NUP58: variants seen among roughly 807,000 people sequenced by gnomAD.
NUP58 encodes the protein nucleoporin 58.
In NUP58, 17 loss-of-function variants were observed where a neutral mutation model predicts 70.1. The ratio of observed to expected loss-of-function variants is 0.24; its 90% CI spans 0.17 to 0.36. The LOEUF is 0.36. NUP58 is among the 10% of genes least tolerant of loss of function. The pLI is 1.00. For synonymous variants in NUP58, 275 were observed against 257.6 expected (o/e 1.07, Z -0.65); for missense variants, 644 against 701.5 (o/e 0.92, Z 0.93).
In NUP58 at chr13:25,327,526, A is replaced by G. The variant is rs2137799769; in HGVS notation, c.1233+14A>G. On this transcript the variant is annotated intron_variant, in intron 12 of 15. Coordinates refer to ENST00000381736, the MANE Select transcript of NUP58 (RefSeq NM_014089.4). ...GAAAATGTAAAGGTAAGTTTTCATT[A>G]CCCATTTATCTACCTGGATATGTAG... 1 of 1,563,026 alleles carries G rather than the reference A, an allele frequency of 6.4e-7. No homozygotes were observed. The highest frequency in any genetic ancestry group is 1.7e-5 in the Admixed American group (1 of 58,770).
intron 5 of NUP58, 98 bp downstream of exon 5, chr13:25,313,849 A>T (rs1343578214): frequency 3.2e-6 from 3 of 939,006 alleles, no homozygotes; most frequent in Non-Finnish European, 4.5e-6. Context: ...TTTAATCTGC[A>T]TATTTTCCTT....
Position 25,325,097 on chromosome 13 carries a change from G to GT in NUP58, c.1031+32dup. 3.4e-6 allele frequency: 5 copies of GT among 1,471,656 alleles called. No individual in the cohort carries two copies. The Middle Eastern group carries it at 5.2e-4, about 154-fold the overall frequency. The allele number at this position is 1,471,656 out of a possible 1,614,324, so 91.2% of individuals were successfully genotyped here. On this transcript the variant is annotated intron_variant, in intron 10 of 15. Coordinates refer to ENST00000381736, the MANE Select transcript of NUP58 (RefSeq NM_014089.4). ...AGTTGCTGGATTTTTAAAAACAAAT[G>GT]TTTCTCACTTTCAGAAAGCAGAACA...
At chr13:25,342,950 T>C (rs935957900), downstream of NUP58, among the ~76,000 whole-genome samples, 12 of 152,164 alleles carry the variant, frequency 7.9e-5, no homozygotes, top group Non-Finnish European at 1.5e-5. Flanking sequence ...TTACATACTG[T>C]CCCATAGAAT....
chr13:25,312,623 C>G (rs1425534880), intron 3 of NUP58, among the ~76,000 whole-genome samples: 2 of 152,228 alleles, frequency 1.3e-5, no homozygotes, highest in Non-Finnish European at 2.9e-5. Flanking sequence ...CCATCTTGGC[C>G]TCCCAAAGTT....
intron 3 of NUP58, chr13:25,310,157 G>GGGT (rs1444490066): frequency 5.5e-6 from 1 of 181,516 alleles, no homozygotes; most frequent in Non-Finnish European, 1.2e-5. Flanking sequence ...ATCTTCTCTG[G>GGGT]GGTTCCCAAG....
At chr13:25,332,198 A>G (rs2031632879) in intron 13 of NUP58, 1 of 985,834 alleles carries the variant, frequency 1.0e-6, no homozygotes, top group Non-Finnish European at 1.2e-6. Flanking sequence ...TGTGGATTGC[A>G]CATTAAGGAG....
rs370123425 is a variant in NUP58, at chr13:25,313,661, A to G, written c.484A>G (p.Thr162Ala). Residue 162 changes from threonine (T) to alanine (A), a missense_variant, in exon 5 of 16, where the codon ACT becomes GCT. This residue lies in a region of NUP58 where 430 missense variants were observed against 409.2 expected (regional missense o/e 1.05). Transcript: ENST00000381736. The stretch of plus-strand genomic sequence containing the variant: ...TAATTTGGGTGGGACAACAGCCACA[A>G]CTACAACTGCATCAACAGGCCTCTC... The part of the protein sequence containing the change: ...LNNLGGTTAT[T>A]TTASTGLSLG... 2.3e-5 allele frequency: 35 copies of G among 1,529,164 alleles called. 1 individual carries two copies. In the South Asian group the frequency reaches 4.3e-4, roughly 19 times the overall value. 94.7% of individuals were successfully genotyped at this position (1,529,164 alleles called of 1,614,324 possible).
rs112418619 is a variant in NUP58, at chr13:25,319,189, A to G, written c.686-137A>G. The G allele has an allele frequency of 2.6e-3, 2,092 of 804,412 alleles. 38 individuals are homozygous for G. In the African/African-American group the frequency reaches 0.031, roughly 12 times the overall value. 49.8% of individuals were successfully genotyped at this position (804,412 alleles called of 1,614,324 possible). The stretch of plus-strand genomic sequence containing the variant: ...AGTTCATGATGAGTCATGACATCAC[A>G]TGATGTTTATGAGGCAAGCAAAGAA... On this transcript the variant is annotated intron_variant, in intron 6 of 15. Transcript: ENST00000381736.
Position 25,325,034 on chromosome 13 carries a change from C to T in NUP58, c.997C>T (p.Pro333Ser). 1 of 1,610,808 alleles carries T rather than the reference C, an allele frequency of 6.2e-7. No homozygotes were observed. Among genetic ancestry groups the T allele is most frequent in the South Asian group, 1.1e-5 (1 of 90,856 alleles). Reference sequence around the variant, plus strand: ...AGCTTTAAGAACCCAGAAGACACCACCTGGACTTCAACATGAATATGCAGC... The same window carrying T: ...AGCTTTAAGAACCCAGAAGACACCATCTGGACTTCAACATGAATATGCAGC... ...EIALRTQKTPPGLQHEYAAPA... is the reference protein window; with the variant it reads ...EIALRTQKTPSGLQHEYAAPA... Residue 333 changes from proline to serine, a missense_variant, in exon 10 of 16, where the codon CCT becomes TCT. Pro to Ser is a moderately conservative substitution (Grantham distance 74). Coordinates refer to ENST00000381736, the MANE Select transcript of NUP58 (RefSeq NM_014089.4).
At chr13:25,324,872 C>A in intron 9 of NUP58, 117 bp from the exon 10 acceptor site, 1 of 712,892 alleles carries the variant, frequency 1.4e-6, no homozygotes, top group Non-Finnish European at 2.4e-6. Context: ...TAGCATGAAC[C>A]TCCAAGGTAT....
At chr13:25,343,682 C>T (rs1266993291), downstream of NUP58, among the ~76,000 whole-genome samples, 2 of 151,618 alleles carry the variant, frequency 1.3e-5, no homozygotes, top group African/African-American at 4.8e-5. Flanking sequence ...GTCTCAAACT[C>T]CTGACCTCAG....
intron 1 of NUP58, among the ~76,000 whole-genome samples, chr13:25,303,870 T>C (rs1190757948): frequency 6.6e-6 from 1 of 152,228 alleles, no homozygotes; most frequent in African/African-American, 2.4e-5. Flanking sequence ...TTTGAATGAC[T>C]GAGCAAATGA....
chr13:25,302,021 C>T (rs1375157222), intron 1 of NUP58, 141 bp downstream of exon 1: 10 of 625,230 alleles, frequency 1.6e-5, no homozygotes, highest in Admixed American at 1.3e-4. Flanking sequence ...TCTAGCCGCC[C>T]GGCGTCGTAG....
In NUP58 at chr13:25,335,980, A is replaced by G. The variant is rs1406521570; in HGVS notation, c.1436-956A>G. The G allele has an allele frequency of 1.5e-5, 17 of 1,108,212 alleles. No individual in the cohort carries two copies. In the African/African-American group the frequency reaches 1.5e-4, roughly 10 times the overall value. 68.6% of individuals were successfully genotyped at this position (1,108,212 alleles called of 1,614,324 possible). A position where few individuals can be genotyped will look rare whatever the true frequency, so the allele number is the denominator to read the frequency against. ...TTTTGTATTCTGCTTAGTTTTAAAA[A>G]AAAAAAATAGTAGTTTAAAAGAGAG... On this transcript the variant is annotated intron_variant, in intron 13 of 15. Coordinates refer to ENST00000381736, the MANE Select transcript of NUP58 (RefSeq NM_014089.4).
chr13:25,343,157 A>G (rs899545684), downstream of NUP58, among the ~76,000 whole-genome samples: 5 of 151,872 alleles, frequency 3.3e-5, no homozygotes, highest in Non-Finnish European at 7.4e-5. Context: ...GTAGCCTTTT[A>G]TCCCTCACCC....
At chr13:25,336,326 T>G (rs559995062) in intron 13 of NUP58, 1 of 1,093,920 alleles carries the variant, frequency 9.1e-7, no homozygotes, top group South Asian at 1.3e-5. Context: ...CAATGAACAA[T>G]AAATTTAATA....
At position 25,327,027 on chromosome 13, in the gene NUP58, C is replaced by A; in HGVS notation, c.1143C>A (p.Thr381=). ...LATQANNSHI[T]PQDLSMAMQK... is the part of the protein sequence containing the mutation. Reference sequence around the variant, plus strand: ...CTCAAGCAAATAATTCACATATAACCCCTCAAGGTAACATGCTTACTGTGG... The same window carrying A: ...CTCAAGCAAATAATTCACATATAACACCTCAAGGTAACATGCTTACTGTGG... The change falls in exon 11 of 16, where the codon ACC becomes ACA. Residue 381 remains threonine (T), a synonymous_variant. Transcript: ENST00000381736. 1 of 1,566,190 alleles carries A rather than the reference C, an allele frequency of 6.4e-7. No individual in the cohort carries two copies. The highest frequency in any genetic ancestry group is 2.3e-5 in the East Asian group (1 of 44,252).
chr13:25,335,643 G>A (rs905248749), intron 13 of NUP58: 1 of 984,914 alleles, frequency 1.0e-6, no homozygotes, highest in Admixed American at 6.2e-5. Context: ...TTTGTTTTCT[G>A]GGTTAGAAGC....
At chr13:25,344,600 T>A (rs1254998415), downstream of NUP58, among the ~76,000 whole-genome samples, 1 of 152,220 alleles carries the variant, frequency 6.6e-6, no homozygotes, top group Non-Finnish European at 1.5e-5. Context: ...TTATTGAGTT[T>A]GATTTTTCTT....
Sources: allele counts gnomAD v4.1 joint callset (sites outside exome capture counted in the v4.1 genomes callset), GRCh38; gene constraint gnomAD v4.1.1; regional missense constraint gnomAD v4.1.1; transcripts MANE v1.5; gene names NCBI Gene and HGNC (gene_info 2026-07-23, HGNC 2026-07-21).